The following MCTP1 variants were observed in gnomAD, a reference collection of about 807,000 sequenced individuals.
MCTP1 encodes multiple C2 and transmembrane domain containing 1, also known as multiple C2 and transmembrane domain-containing protein 1.
In MCTP1, 69 loss-of-function variants were observed where a neutral mutation model predicts 120.6. The observed-to-expected ratio is 0.57, with a 90% CI of 0.47 to 0.70. MCTP1 has a LOEUF of 0.70. Ranked by LOEUF, MCTP1 falls within the 30% of genes least tolerant of loss-of-function variation. The probability of loss-of-function intolerance (pLI) is 0.00; values close to 1 mark genes in which losing one functional copy is unlikely to be tolerated. For synonymous variants in MCTP1, 529 were observed against 493.1 expected (o/e 1.07, Z -0.96); for missense variants, 1,203 against 1,248.8 (o/e 0.96, Z 0.55).
intron 2 of MCTP1, among the ~76,000 whole-genome samples, chr5:94,993,701 G>C (rs1024915253): frequency 1.3e-5 from 2 of 152,250 alleles, no homozygotes; most frequent in East Asian, 3.9e-4. Context: ...CCCTCCACAG[G>C]GGGAGAGTAC....
chr5:95,123,840 G>A (rs887868374), intron 1 of MCTP1, among the ~76,000 whole-genome samples: 1 of 152,026 alleles, frequency 6.6e-6, no homozygotes, highest in Non-Finnish European at 1.5e-5. Context: ...TAATAGAAAC[G>A]GGGTTTCACC....
At chr5:94,912,427 TCAAAAAAAAA>T in intron 9 of MCTP1, among the ~76,000 whole-genome samples, 1 of 24,186 alleles carries the variant, frequency 4.1e-5, no homozygotes, top group African/African-American at 1.7e-4. Flanking sequence ...TGAGACTCCA[TCAAAAAAAAA>T]AAAAAAAAAA....
chr5:95,072,081 CTGTGTG>C (rs56135843), intron 1 of MCTP1, among the ~76,000 whole-genome samples: 49 of 143,784 alleles, frequency 3.4e-4, no homozygotes, highest in Non-Finnish European at 5.3e-4. Context: ...GCCAATTTTC[CTGTGTG>C]TGTGTGTGTG....
chr5:94,873,306 C>A, intron 12 of MCTP1, 65 bp from the exon 13 acceptor site: 1 of 886,856 alleles, frequency 1.1e-6, no homozygotes, highest in Non-Finnish European at 1.8e-6. Flanking sequence ...GTGTCAAGAT[C>A]ATGACCATAT....
In MCTP1 at chr5:94,947,142, C is replaced by T. The variant is rs562104174; in HGVS notation, c.982-4715G>A. On this transcript the variant is annotated intron_variant, in intron 3 of 22. Coordinates refer to ENST00000515393, the MANE Select transcript of MCTP1 (RefSeq NM_024717.7). ...GTCTCTGTCTACAAACTGAAAATAG[C>T]TCTATCTCCTCCCTGTGATACCGTA... Among the ~76,000 whole-genome samples the T allele has an allele frequency of 2.0e-5, 3 of 152,256 alleles. No individual in the cohort carries two copies. In the South Asian group the frequency reaches 6.2e-4, roughly 32 times the overall value.
At chr5:95,151,155 A>ATATATATATATATATAT (rs1760863999) in intron 1 of MCTP1, among the ~76,000 whole-genome samples, 2 of 144,834 alleles carry the variant, frequency 1.4e-5, no homozygotes, top group African/African-American at 5.1e-5. Context: ...ATATATATAT[A>ATATATATATATATATAT]GTATTTTTAG....
chr5:94,916,959 G>A (rs148967071), intron 8 of MCTP1, among the ~76,000 whole-genome samples: 19 of 152,288 alleles, frequency 1.2e-4, no homozygotes, highest in Non-Finnish European at 2.1e-4. Context: ...AGACATTAAC[G>A]TGAATATTAT....
chr5:94,922,670 T>C (rs35985644), intron 7 of MCTP1, among the ~76,000 whole-genome samples: 1,549 of 152,186 alleles, frequency 0.01, 26 homozygotes, highest in African/African-American at 0.036. Flanking sequence ...TTGTATTTAG[T>C]AGAGACGGGG....
At chr5:95,012,565 GTC>G (rs1208391754) in intron 2 of MCTP1, among the ~76,000 whole-genome samples, 3 of 152,042 alleles carry the variant, frequency 2.0e-5, no homozygotes, top group Non-Finnish European at 4.4e-5. Context: ...CTCACTTCAT[GTC>G]TCTGTCACCT....
Sources: allele counts gnomAD v4.1 joint callset (sites outside exome capture counted in the v4.1 genomes callset), GRCh38; gene constraint gnomAD v4.1.1; transcripts MANE v1.5; gene names NCBI Gene and HGNC (gene_info 2026-07-23, HGNC 2026-07-21).